Variants in NEGR1 observed in about 807,000 individuals in gnomAD.
The protein encoded by NEGR1 is neuronal growth regulator 1, also known as IgLON family member 4.
In NEGR1, 10 loss-of-function variants were observed where a neutral mutation model predicts 40.9. That is an observed-to-expected ratio of 0.24 (90% confidence interval 0.15 to 0.42). The LOEUF is 0.42. Ranked by LOEUF, NEGR1 falls within the 10% of genes least tolerant of loss-of-function variation. The probability of loss-of-function intolerance (pLI) is 1.00; values close to 1 mark genes in which losing one functional copy is unlikely to be tolerated. For synonymous variants in NEGR1, 185 were observed against 166.8 expected, an observed-to-expected ratio of 1.11 and a Z score of -0.84; for missense variants, 352 against 438.9, an observed-to-expected ratio of 0.80 and a Z score of 1.77.
intron 1 of NEGR1, among the ~76,000 whole-genome samples, chr1:71,994,394 G>C (rs2801323): frequency 0.031 from 4,742 of 152,068 alleles, 249 homozygotes; most frequent in African/African-American, 0.11. Flanking sequence ...CGGGCGTGGT[G>C]GTGGGCGCCT....
intron 1 of NEGR1, among the ~76,000 whole-genome samples, chr1:72,091,239 A>C (rs1034259791): frequency 6.6e-6 from 1 of 152,198 alleles, no homozygotes; most frequent in Non-Finnish European, 1.5e-5. Context: ...GTAAAGACAT[A>C]CATGGTCATG....
At chr1:71,650,123 A>G (rs945554704) in intron 4 of NEGR1, among the ~76,000 whole-genome samples, 1 of 152,122 alleles carries the variant, frequency 6.6e-6, no homozygotes, top group Admixed American at 6.6e-5. Flanking sequence ...TCTTCAAATA[A>G]AAAGAAATGA....
At chr1:71,505,362 A>G (rs1038861320) in intron 6 of NEGR1, among the ~76,000 whole-genome samples, 2 of 151,878 alleles carry the variant, frequency 1.3e-5, no homozygotes, top group Non-Finnish European at 2.9e-5. Flanking sequence ...GCTCACTGCA[A>G]GCTCCACCTG....
intron 4 of NEGR1, among the ~76,000 whole-genome samples, chr1:71,622,747 T>C (rs1260724739): frequency 6.6e-6 from 1 of 151,788 alleles, no homozygotes; most frequent in Non-Finnish European, 1.5e-5. Context: ...TAAATATACA[T>C]GGGGTAATAG....
chr1:71,438,128 A>C (rs1408458119), intron 6 of NEGR1, among the ~76,000 whole-genome samples: 1 of 152,218 alleles, frequency 6.6e-6, no homozygotes, highest in Non-Finnish European at 1.5e-5. Flanking sequence ...CAATTCATGT[A>C]AACTGTTTGG....
chr1:72,272,005 C>T (rs1208937396), intron 1 of NEGR1, among the ~76,000 whole-genome samples: 1 of 151,816 alleles, frequency 6.6e-6, no homozygotes, highest in East Asian at 1.9e-4. Flanking sequence ...TCTTTTTCTT[C>T]CCAGTCTCGT....
chr1:71,397,050 T>G lies in NEGR1; in HGVS notation c.*10396A>C, dbSNP rs1646217031. Reference sequence around the variant, plus strand: ...AGTTTGGAACTTCCTAGAGACTTGTTGAATGGTTTTGACCAAAATGCTGAT... The same window carrying G: ...AGTTTGGAACTTCCTAGAGACTTGTGGAATGGTTTTGACCAAAATGCTGAT... On this transcript the variant is annotated 3_prime_UTR_variant, in exon 7 of 7. Coordinates refer to ENST00000357731, the MANE Select transcript of NEGR1 (RefSeq NM_173808.3). The G allele has an allele frequency of 6.4e-6, 1 of 156,640 alleles. No individual in the cohort carries two copies. The highest frequency in any genetic ancestry group is 1.4e-5 in the Non-Finnish European group (1 of 71,718). The allele number at this position is 156,640 out of a possible 1,614,324, so 9.7% of individuals were successfully genotyped here.
At chr1:71,952,383 A>G (rs1646078351) in intron 1 of NEGR1, among the ~76,000 whole-genome samples, 1 of 152,030 alleles carries the variant, frequency 6.6e-6, no homozygotes, top group Admixed American at 6.6e-5. Flanking sequence ...CAGCCACAAC[A>G]GGCTATTAAA....
chr1:71,444,595 A>T (rs1646568650), intron 6 of NEGR1, among the ~76,000 whole-genome samples: 1 of 152,126 alleles, frequency 6.6e-6, no homozygotes, highest in Non-Finnish European at 1.5e-5. Flanking sequence ...GGTGGGCTGG[A>T]TACTTGTTTA....
chr1:71,656,394 T>A (rs1651875080), intron 4 of NEGR1, among the ~76,000 whole-genome samples: 1 of 151,994 alleles, frequency 6.6e-6, no homozygotes, highest in South Asian at 2.1e-4. Context: ...TTACATTGTT[T>A]GTTTGTTTTT....
chr1:71,823,714 C>T (rs1658514742), intron 2 of NEGR1, among the ~76,000 whole-genome samples: 1 of 151,950 alleles, frequency 6.6e-6, no homozygotes, highest in South Asian at 2.1e-4. Context: ...TCCATATTTC[C>T]AGAATTTTTA....
At chr1:72,013,903 G>A (rs1646683166) in intron 1 of NEGR1, among the ~76,000 whole-genome samples, 1 of 117,018 alleles carries the variant, frequency 8.5e-6, no homozygotes, top group Admixed American at 1.1e-4. Context: ...GTTTACCTAA[G>A]AAATCATTTA....
chr1:71,759,884 C>T (rs1222488315), intron 3 of NEGR1, among the ~76,000 whole-genome samples: 2 of 152,054 alleles, frequency 1.3e-5, no homozygotes, highest in South Asian at 2.1e-4. Context: ...ACTGGGATTA[C>T]AGGCATGAAC....
intron 2 of NEGR1, among the ~76,000 whole-genome samples, chr1:71,923,712 T>C (rs1429041895): frequency 6.6e-6 from 1 of 152,104 alleles, no homozygotes; most frequent in Non-Finnish European, 1.5e-5. Flanking sequence ...AGTCTATCCA[T>C]ATTCCTTGGC....
chr1:71,637,122 T>C (rs988320765), intron 4 of NEGR1, among the ~76,000 whole-genome samples: 4 of 152,194 alleles, frequency 2.6e-5, no homozygotes, highest in Admixed American at 1.3e-4. Context: ...TCTTGTACTA[T>C]AGTGTATAAA....
intron 2 of NEGR1, among the ~76,000 whole-genome samples, chr1:71,802,760 C>T (rs932579708): frequency 6.6e-6 from 1 of 152,150 alleles, no homozygotes; most frequent in African/African-American, 2.4e-5. Context: ...TGATTTCTCT[C>T]TCTTGGAATG....
intron 3 of NEGR1, among the ~76,000 whole-genome samples, chr1:71,704,691 A>G (rs1653826117): frequency 6.6e-6 from 1 of 151,994 alleles, no homozygotes; most frequent in Non-Finnish European, 1.5e-5. Flanking sequence ...TCATATCTCT[A>G]TTAAACCTTT....
chr1:71,910,234 C>A (rs561441601), intron 2 of NEGR1, among the ~76,000 whole-genome samples: 4 of 152,174 alleles, frequency 2.6e-5, no homozygotes, highest in Non-Finnish European at 5.9e-5. Context: ...ATCATCTAAA[C>A]TGATAAGGGA....
chr1:72,211,388 C>T (rs1653601755), intron 1 of NEGR1, among the ~76,000 whole-genome samples: 1 of 151,328 alleles, frequency 6.6e-6, no homozygotes, highest in Admixed American at 6.6e-5. Context: ...GTAAATGAAC[C>T]AGATTTTGGA....
Sources: allele counts gnomAD v4.1 joint callset (sites outside exome capture counted in the v4.1 genomes callset), GRCh38; gene constraint gnomAD v4.1.1; transcripts MANE v1.5; gene names NCBI Gene and HGNC (gene_info 2026-07-23, HGNC 2026-07-21).